Variants in MARCHF1 observed in about 807,000 individuals in gnomAD.
MARCHF1 encodes membrane associated ring-CH-type finger 1.
Under a neutral mutation model 54.2 loss-of-function variants are expected in MARCHF1, and 40 were observed. That is an observed-to-expected ratio of 0.74 (90% CI 0.57 to 0.96). The LOEUF (loss-of-function observed/expected upper bound fraction) is 0.96. MARCHF1 is among the 40% of genes least tolerant of loss of function. MARCHF1 has a pLI of 0.00. For missense variants in MARCHF1, 586 were observed against 656.5 expected (o/e 0.89, Z 1.17); for synonymous variants, 236 against 236.3 (o/e 1.00, Z 0.01).
At chr4:163,886,365 A>G (rs1346565218) in intron 3 of MARCHF1, among the ~76,000 whole-genome samples, 1 of 151,494 alleles carries the variant, frequency 6.6e-6, no homozygotes, top group Non-Finnish European at 1.5e-5. Flanking sequence ...ATAGATAGAT[A>G]TAGACAGATA....
intron 3 of MARCHF1, among the ~76,000 whole-genome samples, chr4:163,937,412 G>A (rs1751821671): frequency 1.3e-5 from 2 of 151,378 alleles, no homozygotes; most frequent in South Asian, 4.2e-4. Flanking sequence ...TTTTGTCCTT[G>A]GAAAAAAGGA....
At chr4:164,170,250 T>C (rs1289346353) in intron 1 of MARCHF1, among the ~76,000 whole-genome samples, 1 of 152,156 alleles carries the variant, frequency 6.6e-6, no homozygotes, top group African/African-American at 2.4e-5. Context: ...AACTACACTG[T>C]CATGGACACA....
In MARCHF1 at chr4:163,796,011, A is replaced by G. The variant is rs374855021; in HGVS notation, c.111+58010T>C. 5.3e-4 allele frequency among the ~76,000 whole-genome samples: 80 copies of G among 152,274 alleles called. 2 individuals carry two copies. The South Asian group carries it at 0.017, about 32-fold the overall frequency. ...ATTCATTAAATGGAAGTGAATCATC[A>G]TAAACGTCTTTATCCTCGTCTTCAC... On this transcript the variant is annotated intron_variant, in intron 4 of 9. Coordinates refer to ENST00000514618, the MANE Select transcript of MARCHF1 (RefSeq NM_001394959.1).
chr4:164,300,464 C>T (rs1734527281), intron 1 of MARCHF1, among the ~76,000 whole-genome samples: 2 of 152,244 alleles, frequency 1.3e-5, no homozygotes, highest in South Asian at 2.1e-4. Flanking sequence ...CCCTTTCCAA[C>T]ATTTTGAACA....
rs74689181 is a variant in MARCHF1 at position 163,725,791 on chromosome 4, G to A, written c.112-24928C>T. ...TTCAAGCTTTCCATGCCTGTTTATC[G>A]TTAGGTACCTGTCCTGAAAGAATTA... On this transcript the variant is annotated intron_variant, in intron 4 of 9. Coordinates refer to ENST00000514618, the MANE Select transcript of MARCHF1 (RefSeq NM_001394959.1). Among the ~76,000 whole-genome samples the A allele has an allele frequency of 3.2e-4, 48 of 152,160 alleles. No homozygotes were observed. The South Asian group carries it at 6.6e-3, about 21-fold the overall frequency.
chr4:164,359,328 A>C (rs1730656869), intron 1 of MARCHF1, among the ~76,000 whole-genome samples: 1 of 152,152 alleles, frequency 6.6e-6, no homozygotes, highest in Non-Finnish European at 1.5e-5. Flanking sequence ...ATTGTTGTCT[A>C]ATGCATTTAA....
intron 4 of MARCHF1, among the ~76,000 whole-genome samples, chr4:163,762,143 A>G (rs1235589081): frequency 1.3e-5 from 2 of 152,172 alleles, no homozygotes; most frequent in Admixed American, 1.3e-4. Flanking sequence ...TTTCTTAAGT[A>G]AAGCCTCTCT....
chr4:164,230,893 T>C (rs1222225408), intron 1 of MARCHF1, among the ~76,000 whole-genome samples: 4 of 152,172 alleles, frequency 2.6e-5, no homozygotes, highest in African/African-American at 9.7e-5. Context: ...TCTGAGACAA[T>C]AATTGAAATT....
chr4:163,561,042 T>G (rs1739451160), intron 8 of MARCHF1, among the ~76,000 whole-genome samples: 1 of 152,094 alleles, frequency 6.6e-6, no homozygotes, highest in African/African-American at 2.4e-5. Context: ...GGCTAGAACC[T>G]TCAATGAAAT....
intron 2 of MARCHF1, among the ~76,000 whole-genome samples, chr4:164,096,478 T>C (rs927966794): frequency 1.3e-5 from 2 of 152,048 alleles, no homozygotes; most frequent in African/African-American, 2.4e-5. Flanking sequence ...ATGTTCATTA[T>C]CTGGGTGATG....
intron 5 of MARCHF1, among the ~76,000 whole-genome samples, chr4:163,687,974 GAC>G (rs1744321063): frequency 6.6e-6 from 1 of 152,136 alleles, no homozygotes; most frequent in African/African-American, 2.4e-5. Flanking sequence ...GATCAACAAA[GAC>G]AGCCCAATTG....
intron 4 of MARCHF1, among the ~76,000 whole-genome samples, chr4:163,733,925 C>G (rs1404447787): frequency 6.6e-6 from 1 of 151,912 alleles, no homozygotes; most frequent in African/African-American, 2.4e-5. Flanking sequence ...GAAATTTTGT[C>G]CAGAATATAC....
chr4:164,193,909 G>A (rs951664228), intron 1 of MARCHF1, among the ~76,000 whole-genome samples: 4 of 152,164 alleles, frequency 2.6e-5, no homozygotes, highest in Non-Finnish European at 5.9e-5. Context: ...TTTCATTTCT[G>A]TGGTTAGAAG....
At chr4:164,363,765 C>CATTA (rs1730794200) in intron 1 of MARCHF1, among the ~76,000 whole-genome samples, 1 of 72,730 alleles carries the variant, frequency 1.4e-5, no homozygotes, top group Non-Finnish European at 3.2e-5. Context: ...TATTAATAAG[C>CATTA]CGTGTGTGTG....
Position 163,702,195 on chromosome 4 carries a change from G to A in MARCHF1, c.112-1332C>T, listed in dbSNP as rs1744830284. Among the ~76,000 whole-genome samples, 4 of 152,078 alleles carry A rather than the reference G, an allele frequency of 2.6e-5. No individual in the cohort carries two copies. The South Asian group carries it at 8.3e-4, about 32-fold the overall frequency. On this transcript the variant is annotated intron_variant, in intron 4 of 9. Transcript: ENST00000514618. The stretch of plus-strand genomic sequence containing the variant: ...AGACCGAGATGAGTCACAACGATAC[G>A]GTTAGTTACAGCTCATAACAGCCCC...
At chr4:163,933,282 C>T (rs576690368) in intron 3 of MARCHF1, 26 of 638,040 alleles carry the variant, frequency 4.1e-5, no homozygotes, top group Admixed American at 3.9e-4. Context: ...TCCTTCTTCC[C>T]TTCAAGAAAC....
chr4:163,613,305 A>G lies in MARCHF1; in HGVS notation c.242+9T>C, dbSNP rs373246136. On this transcript the variant is annotated intron_variant, in intron 6 of 9. Coordinates refer to ENST00000514618, the MANE Select transcript of MARCHF1 (RefSeq NM_001394959.1). Reference sequence around the variant, plus strand: ...GAATATAGATTAAGATAATTTGTTCAGCACTTACCTGCAGATGTCCTGAGT... The same window carrying G: ...GAATATAGATTAAGATAATTTGTTCGGCACTTACCTGCAGATGTCCTGAGT... The G allele has an allele frequency of 4.4e-5, 70 of 1,599,992 alleles. No homozygotes were observed. The highest frequency in any genetic ancestry group is 5.7e-5 in the Non-Finnish European group (67 of 1,175,374).
intron 4 of MARCHF1, among the ~76,000 whole-genome samples, chr4:163,765,849 T>C (rs1389451567): frequency 1.4e-5 from 2 of 147,670 alleles, no homozygotes; most frequent in Non-Finnish European, 3.0e-5. Context: ...TATAGATACA[T>C]ATAGATATAT....
chr4:164,156,929 T>C (rs1730093979), intron 1 of MARCHF1, among the ~76,000 whole-genome samples: 1 of 152,124 alleles, frequency 6.6e-6, no homozygotes, highest in Non-Finnish European at 1.5e-5. Context: ...TCAAATGAAA[T>C]AATTGAGATT....
Sources: gnomAD v4.1 joint callset for allele counts (sites outside exome capture counted in the v4.1 genomes callset) on GRCh38, gnomAD v4.1.1 for gene constraint, MANE v1.5 for transcripts, NCBI Gene and HGNC (gene_info 2026-07-23, HGNC 2026-07-21) for gene names.